The following JPT2 variants were observed in gnomAD, a reference collection of about 807,000 sequenced individuals.
JPT2 encodes CRAMP_1 like.
JPT2 carries 9 observed loss-of-function variants against 15.9 expected under a neutral mutation model. The ratio of observed to expected loss-of-function variants is 0.57; its 90% CI spans 0.34 to 0.99. The LOEUF (loss-of-function observed/expected upper bound fraction) is 0.99, where lower values mean the gene tolerates loss of function less well. JPT2 is among the 50% of genes least tolerant of loss of function. JPT2 has a pLI of 0.02. For missense variants in JPT2, 267 were observed against 252.1 expected, an observed-to-expected ratio of 1.06 and a Z score of -0.40; for synonymous variants, 95 against 91.7, an observed-to-expected ratio of 1.04 and a Z score of -0.21.
At chr16:1,686,317 G>A (rs2037065449) in intron 2 of JPT2, 1 of 151,402 alleles carries the variant, frequency 6.6e-6, no homozygotes, top group South Asian at 2.1e-4. Flanking sequence ...AGCTTGCAGT[G>A]AGCCGGGATC....
rs114105386 is a variant in JPT2 at position 1,697,680 on chromosome 16, G to A, written c.337-132G>A. 439 of 731,600 alleles carry A rather than the reference G, an allele frequency of 6.0e-4. 3 individuals carry two copies. The African/African-American group carries it at 7.3e-3, about 12-fold the overall frequency. The allele number at this position is 731,600 out of a possible 1,614,324, so 45.3% of individuals were successfully genotyped here. ...TTCAGAATAGTCTGTAGAGGATTGG[G>A]GGGGTCCTGAGGTCAGATATACAAG... On this transcript the variant is annotated intron_variant, in intron 3 of 4. Transcript: ENST00000248098.
intron 3 of JPT2, among the ~76,000 whole-genome samples, chr16:1,696,828 T>A (rs1306225987): frequency 9.2e-5 from 14 of 151,950 alleles, no homozygotes; most frequent in Non-Finnish European, 1.5e-4. Flanking sequence ...AAAATACGAG[T>A]TGGTGAGGAT....
intron 1 of JPT2, among the ~76,000 whole-genome samples, chr16:1,680,155 G>A (rs1596503749): frequency 6.6e-6 from 1 of 152,344 alleles, no homozygotes; most frequent in South Asian, 2.1e-4. Flanking sequence ...GAGCGAATCC[G>A]GTTTCTGGTT....
intron 1 of JPT2, chr16:1,683,596 G>A (rs1192453679): frequency 3.3e-6 from 5 of 1,534,806 alleles, no homozygotes; most frequent in African/African-American, 1.4e-5. Flanking sequence ...TTCAGAGGTC[G>A]GCCAGCACAC....
At chr16:1,694,207 A>T in intron 3 of JPT2, among the ~76,000 whole-genome samples, 1 of 152,244 alleles carries the variant, frequency 6.6e-6, no homozygotes, top group African/African-American at 2.4e-5. Context: ...GAAAATGTTC[A>T]TCAGTGGCCG....
At chr16:1,683,694 G>A in intron 1 of JPT2, 1 of 805,628 alleles carries the variant, frequency 1.2e-6, no homozygotes, top group South Asian at 1.5e-5. Flanking sequence ...TATAGCAGGA[G>A]ATCTGAGAAC....
At chr16:1,696,155 G>A (rs148519726) in intron 3 of JPT2, among the ~76,000 whole-genome samples, 220 of 152,180 alleles carry the variant, frequency 1.4e-3, no homozygotes, top group African/African-American at 5.0e-3. Flanking sequence ...ACTGAACCTG[G>A]GAGGCTGAGG....
rs531285873 is a variant in JPT2, at chr16:1,698,030, C to G, written c.385+170C>G. 6.6e-6 allele frequency among the ~76,000 whole-genome samples: 1 copy of G among 152,292 alleles called. No homozygotes were observed. ...AAGAGGATTCAGCATTTGAAGAAGGCTAGGGTGAAACCCTGGGACTTGGTT... is the reference window on the plus strand; with the variant it reads ...AAGAGGATTCAGCATTTGAAGAAGGGTAGGGTGAAACCCTGGGACTTGGTT... On this transcript the variant is annotated intron_variant, in intron 4 of 4. Transcript: ENST00000248098. This position sits in a 1 kb window ranked among gnomAD's most constrained non-coding sequence, Gnocchi z 4.9.
Position 1,683,612 on chromosome 16 carries a change from G to T in JPT2, c.45-1827G>T, listed in dbSNP as rs1402570524. On this transcript the variant is annotated intron_variant, in intron 1 of 4. Transcript: ENST00000248098. ...TCAGAGGTCGGCCAGCACACGCTTGGTTTCTGGGGTACAGTAGCCAGCCCG... is the reference window on the plus strand; with the variant it reads ...TCAGAGGTCGGCCAGCACACGCTTGTTTTCTGGGGTACAGTAGCCAGCCCG... 4 of 1,525,656 alleles carry T rather than the reference G, an allele frequency of 2.6e-6. No homozygotes were observed. In the African/African-American group the frequency reaches 5.5e-5, roughly 21 times the overall value. 94.5% of individuals were successfully genotyped at this position (1,525,656 alleles called of 1,614,324 possible). A position where few individuals can be genotyped will look rare whatever the true frequency, so the allele number is the denominator to read the frequency against.
rs1368830588 is a variant in JPT2, at chr16:1,701,839, C to T, written c.*2841C>T. 1 of 205,236 alleles carries T rather than the reference C, an allele frequency of 4.9e-6. No individual in the cohort carries two copies. The highest frequency in any genetic ancestry group is 1.0e-5 in the Non-Finnish European group (1 of 96,246). The allele number at this position is 205,236 out of a possible 1,614,324, so 12.7% of individuals were successfully genotyped here. A position where few individuals can be genotyped will look rare whatever the true frequency, so the allele number is the denominator to read the frequency against. ...ATCACTTGAGCTCAGGAGTTTGAGA[C>T]CAGCCTAGACAACATACTACGACCC... On this transcript the variant is annotated 3_prime_UTR_variant, in exon 5 of 5. Transcript: ENST00000248098.
chr16:1,695,504 C>T (rs930520648), intron 3 of JPT2, among the ~76,000 whole-genome samples: 1 of 151,354 alleles, frequency 6.6e-6, no homozygotes, highest in African/African-American at 2.4e-5. Context: ...CCCAGTTGTT[C>T]AAGGCTGCAG....
In JPT2 at chr16:1,698,379, G is replaced by A. The variant is rs923134961; in HGVS notation, c.386-432G>A. Among the ~76,000 whole-genome samples the A allele has an allele frequency of 1.3e-5, 2 of 152,270 alleles. No individual in the cohort carries two copies. Among genetic ancestry groups the A allele is most frequent in the East Asian group, 3.9e-4 (2 of 5,166 alleles). ...CTTAACTAATGACCAAGATTTGTGG[G>A]ATTTCATTCACCTTTGAAAAGCCCA... On this transcript the variant is annotated intron_variant, in intron 4 of 4. Transcript: ENST00000248098. This position sits in a 1 kb window ranked among gnomAD's most constrained non-coding sequence, Gnocchi z 4.9.
intron 2 of JPT2, chr16:1,689,691 C>A (rs2037091397): frequency 6.6e-6 from 1 of 152,312 alleles, no homozygotes; most frequent in Non-Finnish European, 1.5e-5. Context: ...GTCCTCCCAC[C>A]TTGGCCTCCC....
At chr16:1,681,806 A>C (rs2037025115) in intron 1 of JPT2, among the ~76,000 whole-genome samples, 1 of 152,208 alleles carries the variant, frequency 6.6e-6, no homozygotes, top group Non-Finnish European at 1.5e-5. Context: ...GAGACTGTGA[A>C]TGTAGGGAAT....
At position 1,698,923 on chromosome 16, in the gene JPT2, G is replaced by A. The variant is rs1443452168; in HGVS notation, c.498G>A (p.Arg166=). 1 of 1,614,236 alleles carries A rather than the reference G, an allele frequency of 6.2e-7. No individual in the cohort carries two copies. The highest frequency in any genetic ancestry group is 8.5e-7 in the Non-Finnish European group (1 of 1,180,052). Residue 166 remains arginine, a synonymous_variant, in exon 5 of 5, where the codon CGG becomes CGA. Transcript: ENST00000248098. The surrounding 1 kb of genome is among the most constrained non-coding windows in gnomAD (Gnocchi z 4.9). The part of the protein sequence containing the change: ...PMPTVDSHEP[R]LGPRPRSHNK... ...CCACAGTCGACAGCCATGAGCCCCGGCTGGGGCCGCGGCCTCGCTCTCACA... is the reference window on the plus strand; with the variant it reads ...CCACAGTCGACAGCCATGAGCCCCGACTGGGGCCGCGGCCTCGCTCTCACA...
rs912240865 is a variant in JPT2 at position 1,701,185 on chromosome 16, T to C, written c.*2187T>C. On this transcript the variant is annotated 3_prime_UTR_variant, in exon 5 of 5. Coordinates refer to ENST00000248098, the MANE Select transcript of JPT2 (RefSeq NM_144570.3). Reference sequence around the variant, plus strand: ...TTGGGGACTGCCTGTATTTGGAAGATTTAAAAACCTAGCATCCTGTTCTCA... The same window carrying C: ...TTGGGGACTGCCTGTATTTGGAAGACTTAAAAACCTAGCATCCTGTTCTCA... The C allele has an allele frequency of 6.6e-6, 1 of 152,622 alleles. No homozygotes were observed. The highest frequency in any genetic ancestry group is 1.5e-5 in the Non-Finnish European group (1 of 68,046). The allele number at this position is 152,622 out of a possible 1,614,324, so 9.5% of individuals were successfully genotyped here.
intron 1 of JPT2, among the ~76,000 whole-genome samples, chr16:1,678,854 C>T (rs774379193): frequency 1.3e-5 from 2 of 152,178 alleles, no homozygotes; most frequent in Non-Finnish European, 2.9e-5. Flanking sequence ...TGGCCGTGTG[C>T]CCGTGTCCCT....
chr16:1,700,207 G>T lies in JPT2; in HGVS notation c.*1209G>T, dbSNP rs1239028375. On this transcript the variant is annotated 3_prime_UTR_variant, in exon 5 of 5. Transcript: ENST00000248098. ...AGAGACTAGAGACCTTAGGCCAGGA[G>T]ATGAAGGAGTTCAGTAGCAAAGTCA... The T allele has an allele frequency of 2.2e-6, 1 of 455,380 alleles. No homozygotes were observed. Among genetic ancestry groups the T allele is most frequent in the East Asian group, 6.9e-5 (1 of 14,392 alleles). The allele number at this position is 455,380 out of a possible 1,614,324, so 28.2% of individuals were successfully genotyped here.
At position 1,685,475 on chromosome 16, in the gene JPT2, T is replaced by C. The variant is rs1329373822; in HGVS notation, c.81T>C (p.Leu27=). The C allele has an allele frequency of 1.2e-6, 2 of 1,614,052 alleles. No homozygotes were observed. Among genetic ancestry groups the C allele is most frequent in the South Asian group, 2.2e-5 (2 of 91,076 alleles). The change falls in exon 2 of 5, where the codon CTT becomes CTC. Residue 27 remains leucine, a synonymous_variant. Transcript: ENST00000248098. Reference sequence around the variant, plus strand: ...CCCCAGGAGGAGAATCGAGCAATCTTTTTGGAAGTCCAGAAGAAGCTACTC... The same window carrying C: ...CCCCAGGAGGAGAATCGAGCAATCTCTTTGGAAGTCCAGAAGAAGCTACTC... The part of the protein sequence containing the change: ...MKPPGGESSN[L]FGSPEEATPS...
Sources: allele counts gnomAD v4.1 joint callset (sites outside exome capture counted in the v4.1 genomes callset), GRCh38; gene constraint gnomAD v4.1.1; non-coding constraint Gnocchi (gnomAD v3.1); transcripts MANE v1.5; gene names NCBI Gene and HGNC (gene_info 2026-07-23, HGNC 2026-07-21).